ASTN2: variants seen among roughly 807,000 people sequenced by gnomAD.
The protein encoded by ASTN2 is astrotactin 2.
ASTN2 carries 54 observed loss-of-function variants against 139.8 expected under a neutral mutation model. The ratio of observed to expected loss-of-function variants is 0.39; its 90% CI spans 0.31 to 0.48. The LOEUF (loss-of-function observed/expected upper bound fraction) is 0.48. Ranked by LOEUF, ASTN2 falls within the 20% of genes least tolerant of loss-of-function variation. The pLI, the probability that ASTN2 is intolerant of heterozygous loss-of-function variation, is 0.95. For missense variants in ASTN2, 1,565 were observed against 1,725.1 expected (o/e 0.91, Z 1.64); for synonymous variants, 756 against 719.5 (o/e 1.05, Z -0.81).
intron 11 of ASTN2, among the ~76,000 whole-genome samples, chr9:116,850,102 G>A (rs991388503): frequency 1.3e-5 from 2 of 152,270 alleles, no homozygotes; most frequent in African/African-American, 4.8e-5. Flanking sequence ...GACGGACGTG[G>A]GTGGAAGGAA....
intron 5 of ASTN2, among the ~76,000 whole-genome samples, chr9:117,077,502 C>A (rs1174917284): frequency 6.6e-6 from 1 of 152,156 alleles, no homozygotes; most frequent in East Asian, 1.9e-4. Context: ...AATCCCAGCA[C>A]TTTGGGAGGC....
chr9:116,614,961 T>C (rs957515057), intron 19 of ASTN2, among the ~76,000 whole-genome samples: 2 of 152,172 alleles, frequency 1.3e-5, no homozygotes, highest in African/African-American at 2.4e-5. Flanking sequence ...AGAAAATTTT[T>C]GCAATCTACT....
intron 5 of ASTN2, among the ~76,000 whole-genome samples, chr9:117,048,963 CTT>C (rs372277811): frequency 4.4e-4 from 39 of 89,026 alleles, no homozygotes; most frequent in African/African-American, 1.3e-3. Context: ...TCATCCATTG[CTT>C]TTTTTTTTTT....
intron 1 of ASTN2, among the ~76,000 whole-genome samples, chr9:117,401,795 T>C (rs554317990): frequency 6.6e-6 from 1 of 152,352 alleles, no homozygotes; most frequent in East Asian, 1.9e-4. Flanking sequence ...GAATTTCATA[T>C]GATTGTCACA....
chr9:116,921,856 C>T (rs919785441), intron 10 of ASTN2, among the ~76,000 whole-genome samples: 1 of 152,098 alleles, frequency 6.6e-6, no homozygotes, highest in African/African-American at 2.4e-5. Flanking sequence ...ATCCAATAAC[C>T]TTCCACTGGG....
intron 2 of ASTN2, among the ~76,000 whole-genome samples, chr9:117,289,526 G>T (rs778804588): frequency 5.3e-5 from 8 of 152,324 alleles, no homozygotes; most frequent in Middle Eastern, 6.8e-3. Flanking sequence ...ATACTATCCA[G>T]GTTACTGGGT....
chr9:117,182,314 G>A (rs539484029), intron 3 of ASTN2, among the ~76,000 whole-genome samples: 3 of 44,660 alleles, frequency 6.7e-5, no homozygotes, highest in African/African-American at 1.8e-4. Flanking sequence ...GGAAGAAAAC[G>A]ACACAGACAC....
chr9:117,003,940 ACGCG>A (rs772588901), intron 7 of ASTN2, among the ~76,000 whole-genome samples: 5 of 144,610 alleles, frequency 3.5e-5, no homozygotes, highest in East Asian at 4.3e-4. Context: ...TGTTTCTTTC[ACGCG>A]CGCGCGCGCG....
intron 2 of ASTN2, among the ~76,000 whole-genome samples, chr9:117,265,607 C>T (rs897009449): frequency 6.6e-6 from 1 of 152,170 alleles, no homozygotes; most frequent in Non-Finnish European, 1.5e-5. Flanking sequence ...GACAGAATCT[C>T]CAATCCGGCC....
intron 2 of ASTN2, among the ~76,000 whole-genome samples, chr9:117,283,656 G>A (rs905413140): frequency 1.3e-5 from 2 of 152,082 alleles, no homozygotes; most frequent in African/African-American, 2.4e-5. Context: ...TGTATTACAT[G>A]GTTTTTCCAC....
At chr9:117,069,417 C>G (rs1215568519) in intron 5 of ASTN2, among the ~76,000 whole-genome samples, 1 of 106,310 alleles carries the variant, frequency 9.4e-6, no homozygotes, top group African/African-American at 4.1e-5. Context: ...CTGAGGAGAG[C>G]TTTACTTCCA....
intron 11 of ASTN2, among the ~76,000 whole-genome samples, chr9:116,839,869 ATTATTATTATTAT>A (rs1330472637): frequency 8.9e-5 from 9 of 101,386 alleles, no homozygotes; most frequent in Middle Eastern, 9.2e-3. Flanking sequence ...CATTATTATT[ATTATTATTATTAT>A]TTTTTTTTTT....
intron 10 of ASTN2, among the ~76,000 whole-genome samples, chr9:116,960,372 T>C (rs1243609339): frequency 6.6e-6 from 1 of 152,202 alleles, no homozygotes; most frequent in African/African-American, 2.4e-5. Flanking sequence ...ATGCTTTAAT[T>C]TGGCTTAATA....
intron 5 of ASTN2, among the ~76,000 whole-genome samples, chr9:117,046,012 G>C (rs1259249986): frequency 6.6e-6 from 1 of 151,758 alleles, no homozygotes; most frequent in Admixed American, 6.6e-5. Context: ...ATGTATGTAT[G>C]TATGTATGTA....
chr9:116,759,714 T>C (rs1208024048), intron 13 of ASTN2, among the ~76,000 whole-genome samples: 5 of 152,204 alleles, frequency 3.3e-5, no homozygotes, highest in Admixed American at 3.3e-4. Flanking sequence ...TTTATTTTTC[T>C]TTATATCACT....
intron 2 of ASTN2, among the ~76,000 whole-genome samples, chr9:117,268,975 G>A (rs7043216): frequency 0.17 from 25,376 of 152,128 alleles, 2,261 homozygotes; most frequent in Non-Finnish European, 0.2. Context: ...ATAGCAATAC[G>A]AATACCTACT....
At chr9:117,056,585 T>G (rs1326969377) in intron 5 of ASTN2, among the ~76,000 whole-genome samples, 1 of 152,150 alleles carries the variant, frequency 6.6e-6, no homozygotes, top group Admixed American at 6.5e-5. Flanking sequence ...TATTAAGAGC[T>G]GAGAGAAAAG....
chr9:117,256,438 A>T (rs1268207020), intron 2 of ASTN2, among the ~76,000 whole-genome samples: 7 of 152,182 alleles, frequency 4.6e-5, no homozygotes, highest in African/African-American at 1.7e-4. Context: ...CTATCATGGA[A>T]CGTTATCATT....
chr9:117,298,773 C>T (rs77805996), intron 1 of ASTN2, among the ~76,000 whole-genome samples: 2 of 145,274 alleles, frequency 1.4e-5, no homozygotes, highest in East Asian at 4.1e-4. Context: ...AGCTGACTTC[C>T]CTTATTGGAT....
Sources: gnomAD v4.1 joint callset for allele counts (sites outside exome capture counted in the v4.1 genomes callset) on GRCh38, gnomAD v4.1.1 for gene constraint, MANE v1.5 for transcripts, NCBI Gene and HGNC (gene_info 2026-07-23, HGNC 2026-07-21) for gene names.